The following NPAS3 variants were observed in gnomAD, a reference collection of about 807,000 sequenced individuals.
NPAS3 encodes the protein neuronal PAS domain protein 3.
Under a neutral mutation model 73.1 loss-of-function variants are expected in NPAS3, and 14 were observed. The observed-to-expected ratio is 0.19, with a 90% CI of 0.13 to 0.30. NPAS3 has a LOEUF of 0.30. Ranked by LOEUF, NPAS3 falls within the 10% of genes least tolerant of loss-of-function variation. The pLI is 1.00. For synonymous variants in NPAS3, 620 were observed against 541.5 expected (o/e 1.14, Z -2.01); for missense variants, 1,096 against 1,250.0 (o/e 0.88, Z 1.86).
chr14:33,486,551 T>C (rs549014836), intron 4 of NPAS3, among the ~76,000 whole-genome samples: 144 of 152,330 alleles, frequency 9.5e-4, no homozygotes, highest in African/African-American at 3.3e-3. Context: ...CTGTTAGCTA[T>C]AACCCCTGTT....
chr14:33,245,966 T>TA (rs1209333031), intron 3 of NPAS3, among the ~76,000 whole-genome samples: 9 of 151,818 alleles, frequency 5.9e-5, no homozygotes, highest in Admixed American at 3.9e-4. Context: ...CCATGATCCT[T>TA]AAAAACAAAG....
chr14:33,146,059 G>A (rs1292804243), intron 2 of NPAS3, among the ~76,000 whole-genome samples: 2 of 152,236 alleles, frequency 1.3e-5, no homozygotes, highest in South Asian at 2.1e-4. Context: ...CTATGTCCTT[G>A]TTAGAGCATT....
At chr14:33,774,718 C>T (rs2062758819) in intron 8 of NPAS3, among the ~76,000 whole-genome samples, 188 bp downstream of exon 8, 2 of 152,134 alleles carry the variant, frequency 1.3e-5, no homozygotes, top group South Asian at 4.1e-4. Flanking sequence ...CCCTGATTTA[C>T]GTTAGGGACA....
chr14:33,143,726 C>T (rs1194182168), intron 2 of NPAS3, among the ~76,000 whole-genome samples: 7 of 152,106 alleles, frequency 4.6e-5, no homozygotes, highest in African/African-American at 1.7e-4. Flanking sequence ...CTTCCTATTT[C>T]CCCTGCCCCA....
intron 1 of NPAS3, among the ~76,000 whole-genome samples, chr14:33,001,926 A>G (rs931914173): frequency 6.6e-6 from 1 of 152,160 alleles, no homozygotes; most frequent in African/African-American, 2.4e-5. Flanking sequence ...CATTTCTGAC[A>G]GCTAATCACA....
intron 3 of NPAS3, among the ~76,000 whole-genome samples, chr14:33,289,371 A>T (rs750999060): frequency 6.6e-6 from 1 of 152,140 alleles, no homozygotes; most frequent in Non-Finnish European, 1.5e-5. Context: ...AAAATTTGTT[A>T]TCTTCTCCAG....
intron 3 of NPAS3, among the ~76,000 whole-genome samples, chr14:33,276,157 G>A (rs536867157): frequency 3.9e-5 from 6 of 152,226 alleles, no homozygotes; most frequent in East Asian, 3.9e-4. Flanking sequence ...TTTCTACATC[G>A]AAAGTAGGGT....
intron 2 of NPAS3, among the ~76,000 whole-genome samples, chr14:33,146,357 C>A (rs555836163): frequency 1.3e-5 from 2 of 152,286 alleles, no homozygotes; most frequent in Admixed American, 1.3e-4. Context: ...AAGCTCTGAG[C>A]CTGAGTGTCA....
chr14:33,689,448 AG>A (rs1000724132), intron 6 of NPAS3, among the ~76,000 whole-genome samples: 8 of 152,196 alleles, frequency 5.3e-5, no homozygotes, highest in African/African-American at 1.9e-4. Context: ...CCTAATGGAA[AG>A]GGTGGCCAGG....
intron 3 of NPAS3, among the ~76,000 whole-genome samples, chr14:33,268,999 A>G (rs1268775861): frequency 2.6e-5 from 4 of 152,100 alleles, no homozygotes; most frequent in Non-Finnish European, 5.9e-5. Context: ...TTCTTGAAGT[A>G]TGGCCGGTAA....
intron 5 of NPAS3, among the ~76,000 whole-genome samples, chr14:33,651,832 T>G (rs2059003837): frequency 6.6e-6 from 1 of 152,218 alleles, no homozygotes; most frequent in South Asian, 2.1e-4. Flanking sequence ...GGCTTATTTT[T>G]CTTTTCCTAG....
intron 4 of NPAS3, among the ~76,000 whole-genome samples, chr14:33,394,366 T>C (rs2047133206): frequency 6.6e-6 from 1 of 152,204 alleles, no homozygotes; most frequent in Non-Finnish European, 1.5e-5. Flanking sequence ...ATATATTTCT[T>C]TTCCTCCTAG....
At chr14:32,946,348 G>GCA (rs3057257) in intron 1 of NPAS3, among the ~76,000 whole-genome samples, 40,073 of 139,050 alleles carry the variant, frequency 0.29, 6,162 homozygotes, top group East Asian at 0.44. Flanking sequence ...ACACACACGC[G>GCA]CACACACACA....
At chr14:33,162,523 T>C (rs2044935089) in intron 2 of NPAS3, among the ~76,000 whole-genome samples, 1 of 152,232 alleles carries the variant, frequency 6.6e-6, no homozygotes, top group Non-Finnish European at 1.5e-5. Flanking sequence ...CAAATTATGA[T>C]GGAATTAGCA....
At chr14:33,673,409 G>A (rs2059667027) in intron 5 of NPAS3, among the ~76,000 whole-genome samples, 1 of 152,178 alleles carries the variant, frequency 6.6e-6, no homozygotes, top group East Asian at 1.9e-4. Context: ...TGCACATAGT[G>A]GATAACTGCC....
intron 5 of NPAS3, among the ~76,000 whole-genome samples, chr14:33,659,938 T>G (rs1400161641): frequency 1.3e-5 from 2 of 152,082 alleles, no homozygotes; most frequent in Non-Finnish European, 2.9e-5. Context: ...TGAAAACCCC[T>G]GAGCATTTTG....
At chr14:33,277,756 A>G (rs972287425) in intron 3 of NPAS3, among the ~76,000 whole-genome samples, 2 of 152,114 alleles carry the variant, frequency 1.3e-5, no homozygotes, top group African/African-American at 4.8e-5. Context: ...GCTGGAGCAG[A>G]ATGAGAAAGG....
intron 1 of NPAS3, among the ~76,000 whole-genome samples, chr14:33,030,136 T>C (rs1035084466): frequency 6.6e-6 from 1 of 152,198 alleles, no homozygotes; most frequent in African/African-American, 2.4e-5. Context: ...ATTTCAACCA[T>C]TGAAGCAAAG....
intron 4 of NPAS3, among the ~76,000 whole-genome samples, chr14:33,404,543 T>TTTATCTATTCTTA (rs2047583564): frequency 6.6e-6 from 1 of 152,126 alleles, no homozygotes; most frequent in Non-Finnish European, 1.5e-5. Context: ...AGACAAATGA[T>TTTATCTATTCTTA]ACCAAGTATT....
Sources: gnomAD v4.1 joint callset for allele counts (sites outside exome capture counted in the v4.1 genomes callset) on GRCh38, gnomAD v4.1.1 for gene constraint, MANE v1.5 for transcripts, NCBI Gene and HGNC (gene_info 2026-07-23, HGNC 2026-07-21) for gene names.